Variants in PRKG1 observed in about 807,000 individuals in gnomAD.
PRKG1 encodes the protein protein kinase cGMP-dependent 1, also known as cGMP-dependent protein kinase 1.
In PRKG1, 35 loss-of-function variants were observed where a neutral mutation model predicts 88.1. The observed-to-expected ratio is 0.40, with a 90% CI of 0.30 to 0.53. PRKG1 has a LOEUF of 0.53. Ranked by LOEUF, PRKG1 falls within the 20% of genes least tolerant of loss-of-function variation. The pLI, the probability that PRKG1 is intolerant of heterozygous loss-of-function variation, is 0.59. For synonymous variants in PRKG1, 303 were observed against 292.5 expected (o/e 1.04, Z -0.37); for missense variants, 540 against 839.8 (o/e 0.64, Z 4.41).
At chr10:51,113,944 C>CGTATGTGT (rs1554837299) in intron 1 of PRKG1, among the ~76,000 whole-genome samples, 3 of 139,028 alleles carry the variant, frequency 2.2e-5, no homozygotes, top group African/African-American at 8.0e-5. Context: ...AGCCTGTAAA[C>CGTATGTGT]GTGTGTGTGT....
chr10:52,104,165 A>G (rs1847361296), intron 7 of PRKG1, among the ~76,000 whole-genome samples: 1 of 151,698 alleles, frequency 6.6e-6, no homozygotes, highest in Non-Finnish European at 1.5e-5. Flanking sequence ...ACTTTTTAGC[A>G]TATAAATCTT....
intron 3 of PRKG1, among the ~76,000 whole-genome samples, chr10:51,664,461 A>T (rs895070042): frequency 3.3e-5 from 5 of 152,082 alleles, no homozygotes; most frequent in Non-Finnish European, 5.9e-5. Context: ...CTTACTACCC[A>T]CTTGAAATAC....
rs1240202733 is a variant in PRKG1 at position 52,295,751 on chromosome 10, G to T, written c.*1851G>T. On this transcript the variant is annotated 3_prime_UTR_variant, in exon 18 of 18. Transcript: ENST00000373980. The stretch of plus-strand genomic sequence containing the variant: ...TAAGAAGGCAAATCTTATAAATTTT[G>T]CTTGAATTGTTCTTACTCAAAACTA... The T allele has an allele frequency of 2.0e-5, 3 of 151,712 alleles. No homozygotes were observed. The highest frequency in any genetic ancestry group is 4.4e-5 in the Non-Finnish European group (3 of 67,848). The allele number at this position is 151,712 out of a possible 1,614,324, so 9.4% of individuals were successfully genotyped here.
intron 1 of PRKG1, among the ~76,000 whole-genome samples, chr10:51,139,552 T>TA (rs1400561203): frequency 1.3e-5 from 2 of 152,204 alleles, no homozygotes; most frequent in African/African-American, 4.8e-5. Flanking sequence ...AAGAACCAGT[T>TA]ACTTGTCTAA....
intron 5 of PRKG1, among the ~76,000 whole-genome samples, chr10:51,965,387 T>A (rs1372896968): frequency 6.6e-6 from 1 of 152,156 alleles, no homozygotes; most frequent in Admixed American, 6.6e-5. Flanking sequence ...TCCAGCTCCA[T>A]CCATGGCCCT....
chr10:51,141,415 A>C (rs2131955580), intron 1 of PRKG1, among the ~76,000 whole-genome samples: 1 of 152,300 alleles, frequency 6.6e-6, no homozygotes, highest in African/African-American at 2.4e-5. Flanking sequence ...CAGATTGTGG[A>C]TAACACTTAC....
At chr10:51,732,677 G>A (rs1008198243) in intron 3 of PRKG1, among the ~76,000 whole-genome samples, 8 of 152,136 alleles carry the variant, frequency 5.3e-5, no homozygotes, top group Non-Finnish European at 7.4e-5. Flanking sequence ...TCTGTTGAGT[G>A]GTGCTGAAAG....
chr10:51,856,536 C>T (rs1564677272), intron 4 of PRKG1, among the ~76,000 whole-genome samples: 2 of 152,144 alleles, frequency 1.3e-5, no homozygotes, highest in Admixed American at 6.5e-5. Context: ...TTAACTTAAA[C>T]CTTTTTTTTG....
At chr10:51,976,518 TG>T (rs1300150673) in intron 5 of PRKG1, among the ~76,000 whole-genome samples, 2 of 152,024 alleles carry the variant, frequency 1.3e-5, no homozygotes, top group Non-Finnish European at 2.9e-5. Context: ...ACATACTACA[TG>T]ATTCTATTTA....
chr10:52,212,481 A>G (rs1840003744), intron 9 of PRKG1, among the ~76,000 whole-genome samples: 1 of 152,180 alleles, frequency 6.6e-6, no homozygotes. Context: ...CTCCAAGAAG[A>G]GAATTTTTCT....
chr10:51,042,977 T>C (rs1240502925), intron 1 of PRKG1, among the ~76,000 whole-genome samples: 3 of 152,146 alleles, frequency 2.0e-5, no homozygotes. Context: ...TGCCTATGCC[T>C]TAATCTTGAA....
rs113294596 is a variant in PRKG1, at chr10:51,633,343, A to T, written c.592+165507A>T. ...TGATGATAGAAGACTTACTCCTTTT[A>T]AACAAATTTTCACCCTTTCTAACAG... On this transcript the variant is annotated intron_variant, in intron 3 of 17. Transcript: ENST00000373980. Among the ~76,000 whole-genome samples the T allele has an allele frequency of 3.4e-3, 517 of 152,288 alleles. 4 individuals carry two copies. The highest frequency in any genetic ancestry group is 0.012 in the African/African-American group (504 of 41,564).
chr10:51,275,952 A>G (rs566172100), intron 2 of PRKG1, among the ~76,000 whole-genome samples: 2 of 152,120 alleles, frequency 1.3e-5, no homozygotes, highest in African/African-American at 4.8e-5. Context: ...AAAGCAAAGA[A>G]GATGAAATTT....
chr10:51,173,645 C>T (rs1251620848), intron 2 of PRKG1, among the ~76,000 whole-genome samples: 1 of 151,818 alleles, frequency 6.6e-6, no homozygotes, highest in African/African-American at 2.4e-5. Context: ...AATCACTTGC[C>T]TGTAACTAAA....
intron 1 of PRKG1, among the ~76,000 whole-genome samples, chr10:51,107,223 G>A (rs1844858760): frequency 1.3e-5 from 2 of 152,172 alleles, no homozygotes; most frequent in South Asian, 4.1e-4. Flanking sequence ...GTGAGTGAGT[G>A]GGAATGCGGT....
intron 10 of PRKG1, among the ~76,000 whole-genome samples, chr10:52,264,863 C>T (rs1352843526): frequency 1.3e-5 from 2 of 151,886 alleles, no homozygotes; most frequent in Non-Finnish European, 2.9e-5. Context: ...GAAAATAAAA[C>T]CCCCACCCCC....
At chr10:51,821,399 T>C (rs1372922965) in intron 4 of PRKG1, among the ~76,000 whole-genome samples, 1 of 152,116 alleles carries the variant, frequency 6.6e-6, no homozygotes, top group African/African-American at 2.4e-5. Context: ...AGGAAGCATA[T>C]ATATAACTTT....
chr10:52,131,319 T>C (rs1028442364), intron 7 of PRKG1, among the ~76,000 whole-genome samples: 2 of 152,126 alleles, frequency 1.3e-5, no homozygotes, highest in Non-Finnish European at 2.9e-5. Context: ...CACGTATTAA[T>C]ATAAATTACA....
rs552556098 is a variant in PRKG1, at chr10:51,154,896, T to C, written c.478+1566T>C. On this transcript the variant is annotated intron_variant, in intron 2 of 17. Transcript: ENST00000373980. ...ATAGTGAGCAGAAAGGATGGAAAAG[T>C]GGCAAAAATATATAGAGGTCAAGTA... is the stretch of plus-strand genomic sequence containing the variant. 2.6e-4 allele frequency among the ~76,000 whole-genome samples: 40 copies of C among 152,026 alleles called. 2 individuals are homozygous for C. The South Asian group carries it at 8.3e-3, about 32-fold the overall frequency.
Sources: gnomAD v4.1 joint callset for allele counts (sites outside exome capture counted in the v4.1 genomes callset) on GRCh38, gnomAD v4.1.1 for gene constraint, MANE v1.5 for transcripts, NCBI Gene and HGNC (gene_info 2026-07-23, HGNC 2026-07-21) for gene names.